COL18A1: variants seen among roughly 807,000 people sequenced by gnomAD.
COL18A1 encodes the protein collagen type XVIII alpha 1 chain, also known as collagen alpha-1(XVIII) chain.
In COL18A1, 133 loss-of-function variants were observed where a neutral mutation model predicts 168.0. The observed-to-expected ratio is 0.79, with a 90% CI of 0.69 to 0.91. The LOEUF (loss-of-function observed/expected upper bound fraction) is 0.91. Ranked by LOEUF, COL18A1 falls within the 40% of genes least tolerant of loss-of-function variation. COL18A1 has a pLI of 0.00. For synonymous variants in COL18A1, 949 were observed against 809.0 expected (o/e 1.17, Z -2.94); for missense variants, 2,126 against 1,925.4 (o/e 1.10, Z -1.95).
Position 45,477,461 on chromosome 21 carries a change from C to A in COL18A1, c.979C>A (p.Arg327=). Residue 327 remains arginine (R), a synonymous_variant, in exon 7 of 42, where the codon CGG becomes AGG. Transcript: ENST00000651438. ...DSVSTWDGSV[R]TPGGRVKEGG... ...TGTCTCCACGTGGGACGGGAGTGTCCGGACCCCTGGGGGCCGCGTGAAAGA... is the reference window on the plus strand; with the variant it reads ...TGTCTCCACGTGGGACGGGAGTGTCAGGACCCCTGGGGGCCGCGTGAAAGA... The A allele has an allele frequency of 6.2e-7, 1 of 1,612,528 alleles. No homozygotes were observed. The highest frequency in any genetic ancestry group is 8.5e-7 in the Non-Finnish European group (1 of 1,179,394).
intron 3 of COL18A1, among the ~76,000 whole-genome samples, chr21:45,470,707 G>A (rs1262015425): frequency 2.0e-5 from 3 of 152,002 alleles, no homozygotes; most frequent in Admixed American, 6.5e-5. Flanking sequence ...GGCTGGTCTC[G>A]AACTCCCGAC....
At chr21:45,475,998 G>A (rs1448321789) in intron 5 of COL18A1, among the ~76,000 whole-genome samples, 1 of 152,186 alleles carries the variant, frequency 6.6e-6, no homozygotes, top group Non-Finnish European at 1.5e-5. Context: ...CCCCAGCCGC[G>A]GGACTGAGGC....
At chr21:45,418,719 G>A (rs1052720045) in intron 2 of COL18A1, among the ~76,000 whole-genome samples, 6 of 150,364 alleles carry the variant, frequency 4.0e-5, no homozygotes, top group African/African-American at 7.3e-5. Flanking sequence ...GCCACCTCAC[G>A]TCACTTCCTG....
At chr21:45,497,765 T>C in intron 32 of COL18A1, 104 bp downstream of exon 32, 1 of 1,473,784 alleles carries the variant, frequency 6.8e-7, no homozygotes, top group Non-Finnish European at 9.2e-7. Context: ...GGACCCTCAC[T>C]GGGTGGTGAC....
At chr21:45,474,128 C>T in intron 4 of COL18A1, 147 bp downstream of exon 4, 2 of 645,898 alleles carry the variant, frequency 3.1e-6, no homozygotes, top group South Asian at 3.7e-5. Context: ...TCTCCTGTAG[C>T]ACCTCAGAGC....
At chr21:45,453,147 T>G (rs541938269) in intron 2 of COL18A1, among the ~76,000 whole-genome samples, 1 of 152,010 alleles carries the variant, frequency 6.6e-6, no homozygotes, top group Non-Finnish European at 1.5e-5. Flanking sequence ...AGTATTCACA[T>G]GTGACATGTG....
intron 2 of COL18A1, among the ~76,000 whole-genome samples, chr21:45,461,614 C>T (rs1207893840): frequency 6.6e-6 from 1 of 151,896 alleles, no homozygotes; most frequent in South Asian, 2.1e-4. Flanking sequence ...TCCTTGCTAG[C>T]CACATCTGTG....
intron 2 of COL18A1, among the ~76,000 whole-genome samples, chr21:45,437,492 T>TCTCCTGCACACACTCA (rs2034177212): frequency 6.3e-5 from 1 of 15,752 alleles, no homozygotes; most frequent in Non-Finnish European, 1.1e-4. Flanking sequence ...ACACTCACAC[T>TCTCCTGCACACACTCA]CACACACAGG....
In COL18A1 at chr21:45,468,568, G is replaced by A. The variant is rs1233553865; in HGVS notation, c.433G>A (p.Gly145Ser). Residue 145 changes from glycine to serine, a missense_variant, in exon 3 of 42, where the codon GGC becomes AGC. Coordinates refer to ENST00000651438, the MANE Select transcript of COL18A1 (RefSeq NM_001379500.1). ...ISLLYTEPGA[G>S]QTHTAASFRL... ...CCTGCTCTACACAGAACCAGGTGCAGGCCAGACCCACACAGCCGCCAGCTT... is the reference window on the plus strand; with the variant it reads ...CCTGCTCTACACAGAACCAGGTGCAAGCCAGACCCACACAGCCGCCAGCTT... 1 of 1,613,500 alleles carries A rather than the reference G, an allele frequency of 6.2e-7. No homozygotes were observed. The highest frequency in any genetic ancestry group is 1.1e-5 in the South Asian group (1 of 91,088).
chr21:45,503,910 A>G, intron 32 of COL18A1, 101 bp from the exon 33 acceptor site: 1 of 1,230,332 alleles, frequency 8.1e-7, no homozygotes, highest in Non-Finnish European at 1.2e-6. Context: ...CGAAATGGCT[A>G]GAAGGGCCTC....
At chr21:45,439,378 GC>G (rs1260440642) in intron 2 of COL18A1, among the ~76,000 whole-genome samples, 1 of 152,022 alleles carries the variant, frequency 6.6e-6, no homozygotes, top group Non-Finnish European at 1.5e-5. Context: ...GATGCCGGGC[GC>G]CCGCCGGTCA....
intron 20 of COL18A1, 118 bp downstream of exon 20, chr21:45,490,464 T>TCC (rs2036279385): frequency 3.4e-6 from 3 of 876,186 alleles, no homozygotes; most frequent in East Asian, 5.4e-5. Context: ...CCATGTGCCC[T>TCC]CGTGGGTCCC....
At position 45,443,577 on chromosome 21, in the gene COL18A1, A is replaced by G. The variant is rs62216305; in HGVS notation, c.107-24665A>G. Among the ~76,000 whole-genome samples, 19,581 of 151,934 alleles carry G rather than the reference A, an allele frequency of 0.13. 1,468 individuals are homozygous for G. Among genetic ancestry groups the G allele is most frequent in the East Asian group, 0.22 (1,108 of 5,134 alleles). On this transcript the variant is annotated intron_variant, in intron 2 of 41. Transcript: ENST00000651438. The surrounding 1 kb of genome is among the most constrained non-coding windows in gnomAD (Gnocchi z 5.2). ...GGACCTAGGAGGTCCCGGGGTGTGGACTGTGCTGAACTGTTCTCCGACAGG... is the reference window on the plus strand; with the variant it reads ...GGACCTAGGAGGTCCCGGGGTGTGGGCTGTGCTGAACTGTTCTCCGACAGG...
chr21:45,503,965 T>C, intron 32 of COL18A1, 46 bp from the exon 33 acceptor site: 1 of 1,612,040 alleles, frequency 6.2e-7, no homozygotes, highest in Non-Finnish European at 8.5e-7. Flanking sequence ...AACCCGGCGC[T>C]GTCAGACACC....
chr21:45,412,900 G>A (rs1284369143), intron 2 of COL18A1, among the ~76,000 whole-genome samples: 1 of 152,222 alleles, frequency 6.6e-6, no homozygotes, highest in Non-Finnish European at 1.5e-5. Flanking sequence ...TCATGGGTGG[G>A]ATGCCGCCTA....
At position 45,455,582 on chromosome 21, in the gene COL18A1, C is replaced by T. The variant is rs775178517; in HGVS notation, c.107-12660C>T. ...CATCCTGCTGCTGCTCTTCTGCTGC[C>T]TGGCGGCTGCCCGGGCCAACCTGCT... On this transcript the variant is annotated intron_variant, in intron 2 of 41. Coordinates refer to ENST00000651438, the MANE Select transcript of COL18A1 (RefSeq NM_001379500.1). 8.7e-6 allele frequency: 14 copies of T among 1,613,840 alleles called. No homozygotes were observed. In the African/African-American group the frequency reaches 1.7e-4, roughly 20 times the overall value.
chr21:45,509,252 G>A lies in COL18A1; in HGVS notation c.3250-104G>A, dbSNP rs557060515. On this transcript the variant is annotated intron_variant, in intron 38 of 41. Transcript: ENST00000651438. ...CGGGGGCGCAGCTCCCTGCTTGCCA[G>A]TTCAGAGCCCAGCCCCTCTCACCCA... The A allele has an allele frequency of 4.1e-6, 6 of 1,474,208 alleles. No homozygotes were observed. In the African/African-American group the frequency reaches 7.0e-5, roughly 17 times the overall value. 91.3% of individuals were successfully genotyped at this position (1,474,208 alleles called of 1,614,324 possible). A position where few individuals can be genotyped will look rare whatever the true frequency, so the allele number is the denominator to read the frequency against.
intron 2 of COL18A1, among the ~76,000 whole-genome samples, chr21:45,409,041 T>TGGCTGAGCACAGCCCCCACGCTGG (rs61006361): frequency 6.6e-6 from 1 of 151,818 alleles, no homozygotes; most frequent in African/African-American, 2.4e-5. Context: ...AAGCTGGCTG[T>TGGCTGAGCACAGCCCCCACGCTGG]GGCTGTGTCT....
At chr21:45,459,970 C>A (rs1444273537) in intron 2 of COL18A1, among the ~76,000 whole-genome samples, 1 of 151,554 alleles carries the variant, frequency 6.6e-6, no homozygotes, top group East Asian at 1.9e-4. Context: ...AAACCCTGGC[C>A]CCTGGGACCG....
Sources: gnomAD v4.1 joint callset for allele counts (sites outside exome capture counted in the v4.1 genomes callset) on GRCh38, gnomAD v4.1.1 for gene constraint, Gnocchi (gnomAD v3.1) non-coding constraint, MANE v1.5 for transcripts, NCBI Gene and HGNC (gene_info 2026-07-23, HGNC 2026-07-21) for gene names.